HRH1: variants seen among roughly 807,000 people sequenced by gnomAD.
HRH1 encodes the protein histamine receptor H1.
A neutral mutation model predicts 10.3 loss-of-function variants in HRH1; 6 were observed. The ratio of observed to expected loss-of-function variants is 0.58; its 90% CI spans 0.32 to 1.15. The LOEUF (loss-of-function observed/expected upper bound fraction) is 1.15. Ranked by LOEUF, HRH1 falls within the 50% of genes most tolerant of loss-of-function variation. The pLI, the probability that HRH1 is intolerant of heterozygous loss-of-function variation, is 0.05. For missense variants in HRH1, 514 were observed against 615.3 expected, an observed-to-expected ratio of 0.84 and a Z score of 1.74; for synonymous variants, 242 against 236.7, an observed-to-expected ratio of 1.02 and a Z score of -0.21.
At chr3:11,154,451 G>GC (rs202011715), upstream of HRH1, 149,893 of 149,898 alleles carry the variant, frequency 1, 74,944 homozygotes, top group Non-Finnish European at 1. This position sits in a 1 kb window ranked among gnomAD's most constrained non-coding sequence, Gnocchi z 4.4. Flanking sequence ...CCGGCGCCCC[G>GC]CTCCCCGAGA....
intron 1 of HRH1, among the ~76,000 whole-genome samples, chr3:11,230,593 A>T: frequency 6.6e-6 from 1 of 152,204 alleles, no homozygotes. Flanking sequence ...AGCTTGTTAG[A>T]GATGCAGAAT....
chr3:11,221,138 G>C (rs755488944), intron 1 of HRH1, among the ~76,000 whole-genome samples: 2 of 152,188 alleles, frequency 1.3e-5, no homozygotes, highest in Non-Finnish European at 2.9e-5. Flanking sequence ...GAATTCCCAG[G>C]AGGATTTCTT....
chr3:11,144,398 CATATA>C lies in HRH1; in HGVS notation c.-36+7000_-36+7004del, dbSNP rs1936364260. Among the ~76,000 whole-genome samples, 5 of 149,078 alleles carry C rather than the reference CATATA, an allele frequency of 3.4e-5. 1 individual carries two copies. The highest frequency in any genetic ancestry group is 3.3e-4 in the Admixed American group (5 of 14,946). On this transcript the variant is annotated intron_variant, in intron 1 of 1. Transcript: ENST00000438284. ...ATATATGTCTATATGTGTATATATA[CATATA>C]GACATACATCTATAGGTATATATAC...
At chr3:11,175,120 G>A (rs567328997) in intron 1 of HRH1, among the ~76,000 whole-genome samples, 2 of 152,300 alleles carry the variant, frequency 1.3e-5, no homozygotes, top group East Asian at 3.9e-4. Flanking sequence ...GCTTGGTCAG[G>A]TCTCAGGGTC....
intron 1 of HRH1, among the ~76,000 whole-genome samples, chr3:11,241,676 AC>A (rs529757593): frequency 2.2e-4 from 18 of 80,820 alleles, no homozygotes; most frequent in South Asian, 1.0e-3. Flanking sequence ...TACTGAAAAT[AC>A]AAAAAAAAAT....
intron 1 of HRH1, among the ~76,000 whole-genome samples, chr3:11,239,415 G>A (rs1420605096): frequency 6.6e-6 from 1 of 152,132 alleles, no homozygotes; most frequent in South Asian, 2.1e-4. Context: ...GGATACATCA[G>A]ATATATGATA....
At position 11,228,170 on chromosome 3, in the gene HRH1, C is replaced by T. The variant is rs769752058; in HGVS notation, c.-35-30833C>T. On this transcript the variant is annotated intron_variant, in intron 1 of 1. Transcript: ENST00000431010. ...CTGAACTCCTCCTACCATAATTCAG[C>T]TTTAGTTAGGAAAGTGATTCACAAT... 1.2e-4 allele frequency among the ~76,000 whole-genome samples: 18 copies of T among 152,296 alleles called. No individual in the cohort carries two copies. In the South Asian group the frequency reaches 2.3e-3, roughly 19 times the overall value.
intron 1 of HRH1, among the ~76,000 whole-genome samples, chr3:11,217,355 C>T (rs1475189494): frequency 6.6e-6 from 1 of 151,918 alleles, no homozygotes; most frequent in African/African-American, 2.4e-5. Context: ...CATAGTGAAA[C>T]CCTGTCTCTA....
intron 1 of HRH1, among the ~76,000 whole-genome samples, chr3:11,245,066 G>T (rs1213260792): frequency 6.6e-6 from 1 of 152,182 alleles, no homozygotes; most frequent in East Asian, 1.9e-4. Context: ...GAAACCCTGA[G>T]TTAGGGCCAG....
At chr3:11,138,162 C>A (rs9824005) in intron 1 of HRH1, among the ~76,000 whole-genome samples, 44,217 of 149,212 alleles carry the variant, frequency 0.3, 7,068 homozygotes, top group Admixed American at 0.46. Context: ...ACTACAGGCG[C>A]CCGCACCACG....
intron 1 of HRH1, among the ~76,000 whole-genome samples, chr3:11,162,281 T>A (rs1244780528): frequency 6.6e-6 from 1 of 152,042 alleles, no homozygotes; most frequent in Non-Finnish European, 1.5e-5. Context: ...AGCCCTGGGT[T>A]ATAAGGTGAT....
At chr3:11,148,449 A>AG (rs913637462) in intron 1 of HRH1, among the ~76,000 whole-genome samples, 3 of 152,230 alleles carry the variant, frequency 2.0e-5, no homozygotes, top group African/African-American at 7.2e-5. Context: ...GTAAAAAAAA[A>AG]GTATGGAAAT....
intron 1 of HRH1, among the ~76,000 whole-genome samples, chr3:11,141,651 G>A (rs1936293861): frequency 6.6e-6 from 1 of 152,196 alleles, no homozygotes; most frequent in Non-Finnish European, 1.5e-5. Flanking sequence ...GCTTCCCCCA[G>A]TAGGTGATAT....
At chr3:11,170,540 G>T (rs1937132716) in intron 1 of HRH1, among the ~76,000 whole-genome samples, 1 of 152,276 alleles carries the variant, frequency 6.6e-6, no homozygotes, top group African/African-American at 2.4e-5. Context: ...GTATCCCATG[G>T]GCGAGGAGCC....
chr3:11,182,616 C>A (rs111499033), intron 1 of HRH1, among the ~76,000 whole-genome samples: 8 of 152,292 alleles, frequency 5.3e-5, no homozygotes, highest in African/African-American at 1.9e-4. Context: ...CAGCTGCGTG[C>A]CTGTGGGCAG....
At chr3:11,182,948 A>G (rs1396949249) in intron 1 of HRH1, among the ~76,000 whole-genome samples, 1 of 152,148 alleles carries the variant, frequency 6.6e-6, no homozygotes, top group Admixed American at 6.6e-5. Context: ...TGGGACCCCT[A>G]TAAAGCACTT....
At chr3:11,143,702 G>C (rs566809384) in intron 1 of HRH1, among the ~76,000 whole-genome samples, 1 of 152,182 alleles carries the variant, frequency 6.6e-6, no homozygotes, top group South Asian at 2.1e-4. Flanking sequence ...GAGTCTGCCT[G>C]GTAGACTCAT....
intron 1 of HRH1, among the ~76,000 whole-genome samples, chr3:11,192,833 C>G (rs1458016958): frequency 6.6e-6 from 1 of 152,134 alleles, no homozygotes. Flanking sequence ...ACCCAGTCTT[C>G]TTATAGTTCT....
intron 1 of HRH1, among the ~76,000 whole-genome samples, chr3:11,213,118 C>T (rs1938381554): frequency 6.6e-6 from 1 of 152,208 alleles, no homozygotes; most frequent in Non-Finnish European, 1.5e-5. Flanking sequence ...TTATCACCAC[C>T]TGACACAGTA....
Sources: allele counts gnomAD v4.1 joint callset (sites outside exome capture counted in the v4.1 genomes callset), GRCh38; gene constraint gnomAD v4.1.1; non-coding constraint Gnocchi (gnomAD v3.1); transcripts MANE v1.5; gene names NCBI Gene and HGNC (gene_info 2026-07-23, HGNC 2026-07-21).